Variants in CKAP2L observed in about 807,000 individuals in gnomAD.
CKAP2L encodes cytoskeleton-associated protein 2-like.
In CKAP2L, 42 loss-of-function variants were observed where a neutral mutation model predicts 65.7. That is an observed-to-expected ratio of 0.64 (90% CI 0.50 to 0.83). CKAP2L has a LOEUF of 0.83. Ranked by LOEUF, CKAP2L falls within the 40% of genes least tolerant of loss-of-function variation. The pLI is 0.00. For missense variants in CKAP2L, 908 were observed against 871.0 expected, an observed-to-expected ratio of 1.04 and a Z score of -0.53; for synonymous variants, 325 against 313.5, an observed-to-expected ratio of 1.04 and a Z score of -0.39.
intron 4 of CKAP2L, among the ~76,000 whole-genome samples, chr2:112,754,829 C>T (rs1260239411): frequency 6.6e-6 from 1 of 152,240 alleles, no homozygotes; most frequent in African/African-American, 2.4e-5. Flanking sequence ...AAGGTCTCTG[C>T]ACTCACTTCT....
intron 7 of CKAP2L, among the ~76,000 whole-genome samples, chr2:112,742,222 C>A (rs555364441): frequency 1.1e-4 from 16 of 152,158 alleles, no homozygotes; most frequent in Non-Finnish European, 2.1e-4. Flanking sequence ...TAATGTCACT[C>A]GTGTTTGGCA....
chr2:112,741,729 T>C (rs1679979887), intron 7 of CKAP2L, among the ~76,000 whole-genome samples: 4 of 152,210 alleles, frequency 2.6e-5, no homozygotes, highest in Admixed American at 2.6e-4. Context: ...AGTGGGTTAC[T>C]TAGCTACATG....
At chr2:112,763,831 T>C (rs1034908302) in intron 1 of CKAP2L, 3 of 152,316 alleles carry the variant, frequency 2.0e-5, no homozygotes, top group African/African-American at 7.2e-5. Flanking sequence ...CCTCCGTGAC[T>C]TCTAGCAAAT....
Position 112,756,753 on chromosome 2 carries a change from T to G in CKAP2L, c.618A>C (p.Arg206Ser), listed in dbSNP as rs1005653117. ...ERKPDPKLYT[R>S]SKPKTDSYNQ... ...TATAAGAGTCAGTCTTTGGCTTACT[T>G]CTGGTATATAATTTAGGATCTGGCT... is the stretch of plus-strand genomic sequence containing the variant. Residue 206 changes from arginine to serine, a missense_variant, in exon 4 of 9, where the codon AGA (arginine) becomes AGC (serine). Transcript: ENST00000302450. The G allele has an allele frequency of 6.2e-7, 1 of 1,601,364 alleles. No individual in the cohort carries two copies. Among genetic ancestry groups the G allele is most frequent in the Non-Finnish European group, 8.5e-7 (1 of 1,176,268 alleles).
Position 112,751,642 on chromosome 2 carries a change from C to CT in CKAP2L, c.1602+624dup, listed in dbSNP as rs1468655479. On this transcript the variant is annotated intron_variant, in intron 5 of 8. Coordinates refer to ENST00000302450, the MANE Select transcript of CKAP2L (RefSeq NM_152515.5). ...GGAGTAGACTTAAACTGAACTTTTC[C>CT]TTTTTTTTGCTGATGTTCAACATTA... Among the ~76,000 whole-genome samples the CT allele has an allele frequency of 4.0e-5, 6 of 151,804 alleles. No individual in the cohort carries two copies. In the East Asian group the frequency reaches 9.7e-4, roughly 24 times the overall value.
At chr2:112,761,747 G>A (rs187538635) in intron 2 of CKAP2L, among the ~76,000 whole-genome samples, 7 of 152,300 alleles carry the variant, frequency 4.6e-5, no homozygotes, top group Admixed American at 2.6e-4. Context: ...TGGGAGGGCA[G>A]GAATGTCTGT....
At chr2:112,763,806 G>C (rs1238749704) in intron 1 of CKAP2L, 1 of 152,240 alleles carries the variant, frequency 6.6e-6, no homozygotes, top group Non-Finnish European at 1.5e-5. Flanking sequence ...GCTGACATAG[G>C]GGGTTGGAGT....
At chr2:112,761,488 T>G (rs866130314) in intron 2 of CKAP2L, among the ~76,000 whole-genome samples, 5 of 148,910 alleles carry the variant, frequency 3.4e-5, no homozygotes, top group South Asian at 4.2e-4. Context: ...AAAAAAAAAT[T>G]TCCTTGTTTT....
intron 7 of CKAP2L, 147 bp downstream of exon 7, chr2:112,742,559 G>A: frequency 1.4e-6 from 1 of 708,336 alleles, no homozygotes; most frequent in Non-Finnish European, 2.6e-6. Context: ...GTCAGCTGAT[G>A]ACAATGGCTG....
Position 112,739,050 on chromosome 2 carries a change from TGA to T in CKAP2L, c.2013-4_2013-3del, listed in dbSNP as rs1156841267. 1.2e-6 allele frequency: 2 copies of T among 1,610,154 alleles called. No individual in the cohort carries two copies. Among genetic ancestry groups the T allele is most frequent in the Non-Finnish European group, 8.5e-7 (1 of 1,176,784 alleles). On this transcript the variant is annotated splice_polypyrimidine_tract_variant and splice_region_variant and intron_variant, in intron 8 of 8. Coordinates refer to ENST00000302450, the MANE Select transcript of CKAP2L (RefSeq NM_152515.5). ...TGCACTTCCGGCATCCCATTTATTCTGAGAGACAGCAAGAGATGCATTAAAAA... is the reference window on the plus strand; with the variant it reads ...TGCACTTCCGGCATCCCATTTATTCTGAGACAGCAAGAGATGCATTAAAAA...
chr2:112,743,509 C>T (rs1680097106), intron 6 of CKAP2L, among the ~76,000 whole-genome samples: 1 of 152,112 alleles, frequency 6.6e-6, no homozygotes, highest in African/African-American at 2.4e-5. Context: ...GCGGTATCGG[C>T]TCACCACAAA....
At chr2:112,749,034 G>C (rs930170909) in intron 5 of CKAP2L, among the ~76,000 whole-genome samples, 1 of 152,136 alleles carries the variant, frequency 6.6e-6, no homozygotes, top group African/African-American at 2.4e-5. Flanking sequence ...CATGTAAGCT[G>C]AATTACAAAA....
At chr2:112,742,893 T>C (rs1261724530) in intron 6 of CKAP2L, 124 bp from the exon 7 acceptor site, 8 of 636,882 alleles carry the variant, frequency 1.3e-5, no homozygotes, top group Admixed American at 6.3e-5. Context: ...CGTCTAACTA[T>C]AAATCTTTTG....
chr2:112,747,167 T>C (rs1383268777), intron 5 of CKAP2L, among the ~76,000 whole-genome samples: 6 of 151,838 alleles, frequency 4.0e-5, no homozygotes, highest in Admixed American at 3.9e-4. Flanking sequence ...CACAACTCGC[T>C]GCAACCTCTA....
Position 112,760,737 on chromosome 2 carries a change from G to T in CKAP2L, c.132C>A (p.Cys44Ter). Residue 44 changes from cysteine (C) to a stop codon, truncating the protein, a stop_gained, in exon 3 of 9, where the codon TGC (cysteine) becomes TGA (stop). Transcript: ENST00000302450. LOFTEE classifies it high-confidence loss of function. ...CAGATTTAGAAGGTGGTTGATTCTG[G>T]CAATTATTCTTGGATTTTAGATAAG... is the stretch of plus-strand genomic sequence containing the variant. ...TKPYLKSKNN[C>*]QNQPPSKSTI... The T allele has an allele frequency of 6.6e-7, 1 of 1,512,170 alleles. No homozygotes were observed. The highest frequency in any genetic ancestry group is 9.1e-7 in the Non-Finnish European group (1 of 1,101,072). 93.7% of individuals were successfully genotyped at this position (1,512,170 alleles called of 1,614,324 possible). A position where few individuals can be genotyped will look rare whatever the true frequency, so the allele number is the denominator to read the frequency against.
chr2:112,751,439 T>C (rs535519037), intron 5 of CKAP2L, among the ~76,000 whole-genome samples: 1 of 152,292 alleles, frequency 6.6e-6, no homozygotes, highest in South Asian at 2.1e-4. Context: ...AGTATGTATG[T>C]TTGTAGAGGG....
intron 3 of CKAP2L, among the ~76,000 whole-genome samples, chr2:112,759,982 T>G (rs903549117): frequency 9.9e-5 from 15 of 152,110 alleles, no homozygotes; most frequent in African/African-American, 3.4e-4. Context: ...CTTATTAAAA[T>G]TCTCACCAGT....
rs964275368 is a variant in CKAP2L at position 112,749,885 on chromosome 2, G to A, written c.1602+2382C>T. 9.2e-5 allele frequency among the ~76,000 whole-genome samples: 14 copies of A among 152,302 alleles called. 1 individual carries two copies. The highest frequency in any genetic ancestry group is 4.1e-4 in the South Asian group (2 of 4,826). ...GGAGGCTGCAGGGATGGAGAAGGAA[G>A]ACACTTGCTTCTTCCTATTTGCTTT... is the stretch of plus-strand genomic sequence containing the variant. On this transcript the variant is annotated intron_variant, in intron 5 of 8. Coordinates refer to ENST00000302450, the MANE Select transcript of CKAP2L (RefSeq NM_152515.5).
In CKAP2L at chr2:112,756,125, G is replaced by C; in HGVS notation, c.1246C>G (p.Gln416Glu). The C allele has an allele frequency of 1.9e-6, 3 of 1,614,132 alleles. No individual in the cohort carries two copies. The highest frequency in any genetic ancestry group is 1.1e-5 in the South Asian group (1 of 91,074). Residue 416 changes from glutamine (Q) to glutamate (E), a missense_variant, in exon 4 of 9, where the codon CAG (glutamine) becomes GAG (glutamate). Coordinates refer to ENST00000302450, the MANE Select transcript of CKAP2L (RefSeq NM_152515.5). ...HNNNGFQQKA[Q>E]TLDSKLKKAV... is the part of the protein sequence containing the mutation. ...TTTTTCAACTTGGAGTCCAAAGTCT[G>C]TGCTTTTTGCTGAAAGCCATTATTG...
Sources: allele counts gnomAD v4.1 joint callset (sites outside exome capture counted in the v4.1 genomes callset), GRCh38; gene constraint gnomAD v4.1.1; transcripts MANE v1.5; gene names NCBI Gene and HGNC (gene_info 2026-07-23, HGNC 2026-07-21).